The following SNX6 variants were observed in gnomAD, a reference collection of about 807,000 sequenced individuals.
The protein encoded by SNX6 is sorting nexin-6.
SNX6 carries 34 observed loss-of-function variants against 63.0 expected under a neutral mutation model. The ratio of observed to expected loss-of-function variants is 0.54; its 90% CI spans 0.41 to 0.72. The LOEUF is 0.72. SNX6 is among the 30% of genes least tolerant of loss of function. SNX6 has a pLI of 0.00. For synonymous variants in SNX6, 170 were observed against 164.2 expected (o/e 1.04, Z -0.27); for missense variants, 398 against 471.4 (o/e 0.84, Z 1.44).
chr14:34,609,752 G>T lies in SNX6; in HGVS notation c.55-10C>A. The T allele has an allele frequency of 6.5e-7, 1 of 1,539,400 alleles. No homozygotes were observed. The highest frequency in any genetic ancestry group is 1.1e-5 in the South Asian group (1 of 87,032). ...CATTTATTGCTTTAAGCTAGAAAAA[G>T]AAAACCAGTATCTTCATGAAAATCA... On this transcript the variant is annotated splice_polypyrimidine_tract_variant and intron_variant, in intron 2 of 13. Transcript: ENST00000362031.
rs1839789632 is a variant in SNX6, at chr14:34,562,282, T to G, written c.*840A>C. On this transcript the variant is annotated 3_prime_UTR_variant, in exon 14 of 14. Transcript: ENST00000362031. ...TGTCACTAACCTGCCTCTGTCCGATTCCACCTTCTATGAAGTACACACAGA... is the reference window on the plus strand; with the variant it reads ...TGTCACTAACCTGCCTCTGTCCGATGCCACCTTCTATGAAGTACACACAGA... 6.6e-6 allele frequency: 1 copy of G among 152,362 alleles called. No homozygotes were observed. The highest frequency in any genetic ancestry group is 2.4e-5 in the African/African-American group (1 of 41,480). The allele number at this position is 152,362 out of a possible 1,614,324, so 9.4% of individuals were successfully genotyped here. A position where few individuals can be genotyped will look rare whatever the true frequency, so the allele number is the denominator to read the frequency against.
chr14:34,600,220 A>G (rs1882756358), intron 6 of SNX6, among the ~76,000 whole-genome samples: 1 of 151,994 alleles, frequency 6.6e-6, no homozygotes, highest in Non-Finnish European at 1.5e-5. Flanking sequence ...CGCCTCCCAC[A>G]TTCAAGTGAT....
At chr14:34,605,814 G>A in intron 4 of SNX6, 97 bp from the exon 5 acceptor site, 9 of 1,433,498 alleles carry the variant, frequency 6.3e-6, no homozygotes, top group South Asian at 3.0e-5. Context: ...GAAAGCTAAG[G>A]GGATCCAGAA....
At chr14:34,576,280 T>C (rs1881697468) in intron 10 of SNX6, among the ~76,000 whole-genome samples, 1 of 151,960 alleles carries the variant, frequency 6.6e-6, no homozygotes, top group South Asian at 2.1e-4. Flanking sequence ...TATTATAGTT[T>C]AAAAAATTGA....
Position 34,565,839 on chromosome 14 carries a change from G to A in SNX6, c.1167+1847C>T, listed in dbSNP as rs185601115. ...TGAGTAGCTGGGACCACAGGCGCCC[G>A]CCACCATGCCTGGTTAATTTTTTGT... On this transcript the variant is annotated intron_variant, in intron 13 of 13. Coordinates refer to ENST00000362031, the MANE Select transcript of SNX6 (RefSeq NM_152233.4). 6.6e-3 allele frequency among the ~76,000 whole-genome samples: 998 copies of A among 152,124 alleles called. 11 individuals are homozygous for A. The highest frequency in any genetic ancestry group is 0.023 in the African/African-American group (957 of 41,508).
chr14:34,603,354 A>G lies in SNX6; in HGVS notation c.510T>C (p.Asn170=). 4 of 1,607,016 alleles carry G rather than the reference A, an allele frequency of 2.5e-6. No homozygotes were observed. Among genetic ancestry groups the G allele is most frequent in the Non-Finnish European group, 2.5e-6 (3 of 1,177,744 alleles). The change falls in exon 6 of 14, where the codon AAT becomes AAC. Residue 170 remains asparagine (N), a synonymous_variant. Coordinates refer to ENST00000362031, the MANE Select transcript of SNX6 (RefSeq NM_152233.4). ...CAATCAATGTGATACTCACATCTTG[A>G]TTATATTCCAAGAAGACATGGAAAT... The part of the protein sequence containing the change: ...DLNFHVFLEY[N]QDLSVRGKNK...
intron 2 of SNX6, among the ~76,000 whole-genome samples, chr14:34,614,848 T>C (rs1016905911): frequency 3.1e-4 from 47 of 152,246 alleles, no homozygotes; most frequent in African/African-American, 9.6e-4. Context: ...GAGGTTGCAG[T>C]GAGCTATGAT....
Position 34,596,403 on chromosome 14 carries a change from G to A in SNX6, c.612+1147C>T, listed in dbSNP as rs541903629. On this transcript the variant is annotated intron_variant, in intron 7 of 13. Coordinates refer to ENST00000362031, the MANE Select transcript of SNX6 (RefSeq NM_152233.4). ...TGGGAGGCCGAGGCAGACAGATCAC[G>A]AGGTCAAGAGTTCGAGACCAGCCTG... 2.0e-4 allele frequency among the ~76,000 whole-genome samples: 31 copies of A among 151,688 alleles called. No individual in the cohort carries two copies. The South Asian group carries it at 5.6e-3, about 28-fold the overall frequency.
At chr14:34,591,615 G>A (rs1410484827) in intron 8 of SNX6, among the ~76,000 whole-genome samples, 1 of 152,042 alleles carries the variant, frequency 6.6e-6, no homozygotes, top group Non-Finnish European at 1.5e-5. Context: ...AATTGCAAGT[G>A]CATGGCAGGA....
intron 2 of SNX6, among the ~76,000 whole-genome samples, chr14:34,615,408 G>T (rs530732932): frequency 6.6e-6 from 1 of 152,308 alleles, no homozygotes; most frequent in East Asian, 1.9e-4. Flanking sequence ...TTTTTTAAGA[G>T]ATAGGGTCTC....
At chr14:34,571,851 A>ATTTC (rs554998664) in intron 11 of SNX6, among the ~76,000 whole-genome samples, 2 of 151,984 alleles carry the variant, frequency 1.3e-5, no homozygotes, top group Non-Finnish European at 2.9e-5. Context: ...ATATGCTTTC[A>ATTTC]TTTCTTTCTT....
chr14:34,581,596 A>G lies in SNX6; in HGVS notation c.799T>C (p.Phe267Leu). ...TCGAACAGTTCTGAAACTTTGAGAA[A>G]AAACCTGGAAAGGAAAATATTTTCA... is the stretch of plus-strand genomic sequence containing the variant. Reference protein sequence around the residue: ...TQDSTDICKFFLKVSELFDKT... With the variant: ...TQDSTDICKFLLKVSELFDKT... The change falls in exon 10 of 14, where the codon TTT becomes CTT. Residue 267 changes from phenylalanine to leucine, a missense_variant. Phe to Leu is a conservative substitution (Grantham distance 22). Coordinates refer to ENST00000362031, the MANE Select transcript of SNX6 (RefSeq NM_152233.4). 6.7e-7 allele frequency: 1 copy of G among 1,482,472 alleles called. No homozygotes were observed. The highest frequency in any genetic ancestry group is 9.4e-7 in the Non-Finnish European group (1 of 1,067,170). The allele number at this position is 1,482,472 out of a possible 1,614,324, so 91.8% of individuals were successfully genotyped here.
rs1008038453 is a variant in SNX6, at chr14:34,607,483, G to A, written c.270+547C>T. Among the ~76,000 whole-genome samples, 3 of 151,856 alleles carry A rather than the reference G, an allele frequency of 2.0e-5. 1 individual carries two copies. Among genetic ancestry groups the A allele is most frequent in the South Asian group, 4.2e-4 (2 of 4,810 alleles). On this transcript the variant is annotated intron_variant, in intron 4 of 13. Transcript: ENST00000362031. ...AAATTAGCCGGGCATGGTGGTGGGT[G>A]CCTGTAATCCCAGCGACTCAAGTGA...
At chr14:34,597,804 G>A (rs1315924754) in intron 6 of SNX6, among the ~76,000 whole-genome samples, 159 bp from the exon 7 acceptor site, 15 of 151,946 alleles carry the variant, frequency 9.9e-5, no homozygotes, top group Admixed American at 9.9e-4. Context: ...AAATTTTAGG[G>A]CATAAAAAAG....
At position 34,626,650 on chromosome 14, in the gene SNX6, C is replaced by T. The variant is rs532799367; in HGVS notation, c.54+3257G>A. 2.4e-5 allele frequency among the ~76,000 whole-genome samples: 3 copies of T among 123,296 alleles called. No homozygotes were observed. The South Asian group carries it at 7.8e-4, about 32-fold the overall frequency. The allele number at this position is 123,296 out of a possible 152,430, so 80.9% of individuals were successfully genotyped here. On this transcript the variant is annotated intron_variant, in intron 2 of 13. Transcript: ENST00000362031. ...CGCCACTGCACTCCAGCCTGGGCAA[C>T]AGAGCGAGACTCCATTTCAAAAAAA...
intron 11 of SNX6, chr14:34,568,990 G>T: frequency 6.9e-7 from 1 of 1,456,804 alleles, no homozygotes; most frequent in Non-Finnish European, 9.6e-7. Flanking sequence ...ATCGTAGGGA[G>T]CAAGCTCTTT....
At position 34,583,063 on chromosome 14, in the gene SNX6, T is replaced by C. The variant is rs188779900; in HGVS notation, c.795-1463A>G. ...GGCTCATGCCTGTAATCCCAGCACT[T>C]TGGGAGGCCGAGGTGGGAGGATCAT... On this transcript the variant is annotated intron_variant, in intron 9 of 13. Transcript: ENST00000362031. 6.6e-3 allele frequency among the ~76,000 whole-genome samples: 1,005 copies of C among 151,842 alleles called. 6 individuals carry two copies. Among genetic ancestry groups the C allele is most frequent in the African/African-American group, 0.023 (971 of 41,470 alleles).
Position 34,586,276 on chromosome 14 carries a change from A to G in SNX6, c.748T>C (p.Ser250Pro). The G allele has an allele frequency of 6.2e-7, 1 of 1,608,308 alleles. No homozygotes were observed. Among genetic ancestry groups the G allele is most frequent in the Non-Finnish European group, 8.5e-7 (1 of 1,174,986 alleles). ...TGAGTTCCTAAAGCATATAATGAAG[A>G]ACCAATTCTATTGTAATCATCTGCA... ...SAADDYNRIG[S>P]SLYALGTQDS... is the part of the protein sequence containing the mutation. Residue 250 changes from serine to proline, a missense_variant, in exon 9 of 14, where the codon TCT (serine) becomes CCT (proline). Transcript: ENST00000362031.
chr14:34,579,046 GAAC>G (rs1286233308), intron 10 of SNX6, among the ~76,000 whole-genome samples: 1 of 143,094 alleles, frequency 7.0e-6, no homozygotes, highest in African/African-American at 2.6e-5. Context: ...CAAGCTTGTA[GAAC>G]AACCTAAATG....
Sources: allele counts gnomAD v4.1 joint callset (sites outside exome capture counted in the v4.1 genomes callset), GRCh38; gene constraint gnomAD v4.1.1; transcripts MANE v1.5; gene names NCBI Gene and HGNC (gene_info 2026-07-23, HGNC 2026-07-21).